Variants in GINS1 observed in about 807,000 individuals in gnomAD.
The protein encoded by GINS1 is DNA replication complex GINS protein PSF1.
GINS1 carries 26 observed loss-of-function variants against 34.9 expected under a neutral mutation model. The ratio of observed to expected loss-of-function variants is 0.74; its 90% CI spans 0.55 to 1.03. The LOEUF is 1.03. Among genes scored for constraint, GINS1 ranks in the 50% least tolerant of loss-of-function variants. GINS1 has a pLI of 0.00. For missense variants in GINS1, 235 were observed against 237.9 expected (o/e 0.99, Z 0.08); for synonymous variants, 97 against 84.4 (o/e 1.15, Z -0.82).
intron 5 of GINS1, among the ~76,000 whole-genome samples, chr20:25,432,920 T>C (rs2090435483): frequency 6.7e-6 from 1 of 149,592 alleles, no homozygotes; most frequent in South Asian, 2.1e-4. Flanking sequence ...TATAATAGTC[T>C]TTTTTGTCTC....
At chr20:25,427,412 GGTC>G (rs1232351438) in intron 5 of GINS1, among the ~76,000 whole-genome samples, 1 of 152,056 alleles carries the variant, frequency 6.6e-6, no homozygotes, top group Non-Finnish European at 1.5e-5. Context: ...TGGCCAGGCT[GGTC>G]TTGAACTCCT....
chr20:25,415,886 C>A (rs1410748492), intron 2 of GINS1, among the ~76,000 whole-genome samples: 4 of 152,112 alleles, frequency 2.6e-5, no homozygotes, highest in African/African-American at 9.7e-5. Flanking sequence ...GACATTTCAG[C>A]TGAGGCCTGC....
In GINS1 at chr20:25,423,464, T is replaced by C. The variant is rs1487192246; in HGVS notation, c.331-1747T>C. ...ATATTTTTCTTTTCTTTTTTTTTTT[T>C]TTTTTTTTTTTTTTTTTTTTTTGAG... is the stretch of plus-strand genomic sequence containing the variant. On this transcript the variant is annotated intron_variant, in intron 4 of 6. Coordinates refer to ENST00000262460, the MANE Select transcript of GINS1 (RefSeq NM_021067.5). Among the ~76,000 whole-genome samples, 41 of 102,454 alleles carry C rather than the reference T, an allele frequency of 4.0e-4. No individual in the cohort carries two copies. The South Asian group carries it at 4.7e-3, about 12-fold the overall frequency. The allele number at this position is 102,454 out of a possible 152,430, so 67.2% of individuals were successfully genotyped here. A position where few individuals can be genotyped will look rare whatever the true frequency, so the allele number is the denominator to read the frequency against.
intron 1 of GINS1, chr20:25,409,077 C>G (rs1339216543): frequency 1.0e-6 from 1 of 970,434 alleles, no homozygotes; most frequent in Non-Finnish European, 1.2e-6. Flanking sequence ...GAGAAGGAAG[C>G]GAGGCATCCC....
chr20:25,437,753 G>A (rs1385608570), intron 5 of GINS1, among the ~76,000 whole-genome samples: 1 of 152,176 alleles, frequency 6.6e-6, no homozygotes, highest in Non-Finnish European at 1.5e-5. Context: ...TTTTGTTACT[G>A]TTATTTTGAA....
intron 1 of GINS1, 98 bp downstream of exon 1, chr20:25,407,993 C>T: frequency 7.2e-6 from 6 of 838,522 alleles, no homozygotes; most frequent in Non-Finnish European, 4.0e-6. Context: ...GCACCTTGTT[C>T]CCTCCGAGCT....
intron 6 of GINS1, among the ~76,000 whole-genome samples, chr20:25,442,492 T>C (rs1371703543): frequency 6.6e-6 from 1 of 151,916 alleles, no homozygotes; most frequent in East Asian, 1.9e-4. Flanking sequence ...AGTGCGAGGA[T>C]TACAGGTGTG....
intron 4 of GINS1, among the ~76,000 whole-genome samples, chr20:25,424,869 A>G (rs1212072299): frequency 1.3e-5 from 2 of 152,186 alleles, no homozygotes; most frequent in Non-Finnish European, 2.9e-5. Context: ...AATGTTTTAT[A>G]GTTTTCAGAA....
intron 2 of GINS1, among the ~76,000 whole-genome samples, chr20:25,415,749 A>G (rs1314186238): frequency 6.6e-6 from 1 of 152,126 alleles, no homozygotes; most frequent in Non-Finnish European, 1.5e-5. Context: ...GAAGACAGAC[A>G]TGAAATATAG....
intron 1 of GINS1, among the ~76,000 whole-genome samples, chr20:25,409,602 C>T (rs2090270786): frequency 6.6e-6 from 1 of 152,100 alleles, no homozygotes; most frequent in African/African-American, 2.4e-5. Context: ...CACTAAAGAG[C>T]ACCTAGCCAG....
intron 1 of GINS1, among the ~76,000 whole-genome samples, chr20:25,412,800 T>G (rs1272239940): frequency 6.6e-6 from 1 of 152,222 alleles, no homozygotes; most frequent in Non-Finnish European, 1.5e-5. Context: ...ACATACCTAC[T>G]GTGTACCCAC....
intron 5 of GINS1, among the ~76,000 whole-genome samples, chr20:25,431,799 T>C (rs1044195367): frequency 6.6e-6 from 1 of 152,072 alleles, no homozygotes; most frequent in African/African-American, 2.4e-5. Context: ...CTTGAACTCC[T>C]TACCTCAAGT....
At position 25,447,463 on chromosome 20, in the gene GINS1, C is replaced by A. The variant is rs2090518853; in HGVS notation, c.*1472C>A. On this transcript the variant is annotated 3_prime_UTR_variant, in exon 7 of 7. Coordinates refer to ENST00000262460, the MANE Select transcript of GINS1 (RefSeq NM_021067.5). The stretch of plus-strand genomic sequence containing the variant: ...GAAAGGACTGCCCTTTGCTCTATCA[C>A]CTTTGCATTTTTGTTAAAAAGTAGT... The A allele has an allele frequency of 6.6e-6, 1 of 152,336 alleles. No individual in the cohort carries two copies. Among genetic ancestry groups the A allele is most frequent in the South Asian group, 2.1e-4 (1 of 4,828 alleles). The allele number at this position is 152,336 out of a possible 1,614,324, so 9.4% of individuals were successfully genotyped here. A position where few individuals can be genotyped will look rare whatever the true frequency, so the allele number is the denominator to read the frequency against.
chr20:25,416,036 C>T (rs1366390727), intron 2 of GINS1, among the ~76,000 whole-genome samples: 1 of 152,084 alleles, frequency 6.6e-6, no homozygotes, highest in Non-Finnish European at 1.5e-5. Flanking sequence ...ACCTATGTGG[C>T]TGGAGTTTGG....
intron 5 of GINS1, among the ~76,000 whole-genome samples, chr20:25,427,757 C>A (rs1370746835): frequency 6.6e-6 from 1 of 150,514 alleles, no homozygotes; most frequent in Non-Finnish European, 1.5e-5. Context: ...TTCTCCCATT[C>A]TCTGGGTTGC....
chr20:25,428,405 T>TTC (rs1401646505), intron 5 of GINS1, among the ~76,000 whole-genome samples: 1 of 129,752 alleles, frequency 7.7e-6, no homozygotes, highest in Non-Finnish European at 1.6e-5. Flanking sequence ...TTCTTTTTTT[T>TTC]TTTTTTTTTT....
chr20:25,432,100 T>G (rs983144767), intron 5 of GINS1, among the ~76,000 whole-genome samples: 14 of 152,112 alleles, frequency 9.2e-5, no homozygotes, highest in Non-Finnish European at 1.9e-4. Context: ...CTTGAACTCC[T>G]GACCTCAAAT....
chr20:25,444,092 A>G (rs2090498226), intron 6 of GINS1, among the ~76,000 whole-genome samples: 1 of 151,404 alleles, frequency 6.6e-6, no homozygotes, highest in African/African-American at 2.4e-5. Context: ...GCTCACTGCA[A>G]CCTCTGCCTT....
chr20:25,430,594 G>A (rs1157751115), intron 5 of GINS1, among the ~76,000 whole-genome samples: 1 of 152,006 alleles, frequency 6.6e-6, no homozygotes, highest in Non-Finnish European at 1.5e-5. Flanking sequence ...GCAATGGCAC[G>A]ATCTTGACTC....
Sources: allele counts gnomAD v4.1 joint callset (sites outside exome capture counted in the v4.1 genomes callset), GRCh38; gene constraint gnomAD v4.1.1; transcripts MANE v1.5; gene names NCBI Gene and HGNC (gene_info 2026-07-23, HGNC 2026-07-21).